Variants in STXBP5L observed in about 807,000 individuals in gnomAD.
STXBP5L encodes the protein syntaxin binding protein 5L, also known as syntaxin-binding protein 5-like.
STXBP5L carries 65 observed loss-of-function variants against 144.5 expected under a neutral mutation model. That is an observed-to-expected ratio of 0.45 (90% CI 0.37 to 0.55). The LOEUF is 0.55. Ranked by LOEUF, STXBP5L falls within the 20% of genes least tolerant of loss-of-function variation. The pLI, the probability that STXBP5L is intolerant of heterozygous loss-of-function variation, is 0.00. For missense variants in STXBP5L, 1,298 were observed against 1,405.5 expected (o/e 0.92, Z 1.22); for synonymous variants, 505 against 469.6 (o/e 1.08, Z -0.97).
At chr3:121,307,222 A>G (rs2043367349) in intron 19 of STXBP5L, among the ~76,000 whole-genome samples, 1 of 152,214 alleles carries the variant, frequency 6.6e-6, no homozygotes, top group Non-Finnish European at 1.5e-5. Context: ...GTGATACAAT[A>G]TATTACCTAA....
At chr3:121,299,743 T>TTGGGAAGCTGAGGCAGGTGG (rs1386913891) in intron 19 of STXBP5L, among the ~76,000 whole-genome samples, 1 of 151,796 alleles carries the variant, frequency 6.6e-6, no homozygotes, top group Non-Finnish European at 1.5e-5. Flanking sequence ...TCCCAGCACT[T>TTGGGAAGCTGAGGCAGGTGG]TGGGAAGCTG....
chr3:121,149,331 C>T (rs2045845051), intron 7 of STXBP5L, among the ~76,000 whole-genome samples: 1 of 151,934 alleles, frequency 6.6e-6, no homozygotes, highest in Non-Finnish European at 1.5e-5. Flanking sequence ...AAATCTCTCT[C>T]TCTCTCTTTC....
intron 5 of STXBP5L, among the ~76,000 whole-genome samples, chr3:121,102,165 C>T (rs2043460517): frequency 6.7e-6 from 1 of 149,834 alleles, no homozygotes; most frequent in South Asian, 2.1e-4. Context: ...CAATGCTATA[C>T]TTATCAAACT....
chr3:121,040,035 A>G (rs927702536), intron 3 of STXBP5L, among the ~76,000 whole-genome samples: 3 of 146,450 alleles, frequency 2.0e-5, no homozygotes, highest in African/African-American at 7.6e-5. Flanking sequence ...TCTTCAACAT[A>G]TGCAGTGTAG....
At chr3:120,993,385 T>C (rs1943080444) in intron 3 of STXBP5L, among the ~76,000 whole-genome samples, 1 of 152,038 alleles carries the variant, frequency 6.6e-6, no homozygotes, top group Non-Finnish European at 1.5e-5. Context: ...AATCATTTCT[T>C]ATACCATGTA....
At chr3:121,006,646 C>G (rs974202157) in intron 3 of STXBP5L, among the ~76,000 whole-genome samples, 9 of 152,108 alleles carry the variant, frequency 5.9e-5, no homozygotes, top group Non-Finnish European at 4.4e-5. Flanking sequence ...TTCCTAGTAT[C>G]AATGGTCTTT....
At chr3:120,959,253 G>A (rs865845995) in intron 3 of STXBP5L, among the ~76,000 whole-genome samples, 3 of 152,130 alleles carry the variant, frequency 2.0e-5, no homozygotes, top group African/African-American at 7.2e-5. Context: ...ACTTAAAGAG[G>A]ATACAAACAA....
At chr3:121,233,534 A>C in intron 11 of STXBP5L, 82 bp from the exon 12 acceptor site, 1 of 940,672 alleles carries the variant, frequency 1.1e-6, no homozygotes, top group South Asian at 2.0e-5. Flanking sequence ...TAATATTTGT[A>C]TAGGGATAAA....
rs112091399 is a variant in STXBP5L, at chr3:121,018,568, T to C, written c.288-23132T>C. Among the ~76,000 whole-genome samples the C allele has an allele frequency of 2.5e-3, 371 of 150,810 alleles. 2 individuals carry two copies. Among genetic ancestry groups the C allele is most frequent in the African/African-American group, 8.4e-3 (348 of 41,230 alleles). ...AAATGCAGACACAGTCCTTACATCT[T>C]TCACAAAAATCAACCCAAAATGGAT... On this transcript the variant is annotated intron_variant, in intron 3 of 26. Transcript: ENST00000471454.
chr3:121,040,816 T>A (rs1315058434), intron 3 of STXBP5L, among the ~76,000 whole-genome samples: 2 of 152,126 alleles, frequency 1.3e-5, no homozygotes, highest in Non-Finnish European at 2.9e-5. Flanking sequence ...CTTTCAGGGA[T>A]CATTGTCATT....
At chr3:120,926,998 C>T (rs576704103) in intron 2 of STXBP5L, among the ~76,000 whole-genome samples, 5 of 150,124 alleles carry the variant, frequency 3.3e-5, no homozygotes, top group East Asian at 2.0e-4. Flanking sequence ...TGCAGTAGCA[C>T]GATCTTGGCT....
At chr3:120,962,192 G>A (rs1331931534) in intron 3 of STXBP5L, among the ~76,000 whole-genome samples, 1 of 152,104 alleles carries the variant, frequency 6.6e-6, no homozygotes, top group Non-Finnish European at 1.5e-5. Flanking sequence ...TGTCAGATAG[G>A]TAGATTGCAA....
chr3:120,967,081 CAGTG>C (rs1939670033), intron 3 of STXBP5L, among the ~76,000 whole-genome samples: 1 of 152,064 alleles, frequency 6.6e-6, no homozygotes, highest in Admixed American at 6.6e-5. Flanking sequence ...GAGCAAGGCT[CAGTG>C]GGTGTGGGAC....
chr3:121,009,022 G>A (rs1042757097), intron 3 of STXBP5L, among the ~76,000 whole-genome samples: 4 of 151,780 alleles, frequency 2.6e-5, no homozygotes, highest in African/African-American at 9.7e-5. Flanking sequence ...GGTTGGATAT[G>A]CAGTAGAGAC....
At chr3:121,084,362 C>T (rs950030225) in intron 5 of STXBP5L, among the ~76,000 whole-genome samples, 6 of 152,118 alleles carry the variant, frequency 3.9e-5, no homozygotes, top group South Asian at 2.1e-4. Context: ...TCTCCCTCCC[C>T]GCCTACCCTC....
intron 3 of STXBP5L, among the ~76,000 whole-genome samples, chr3:120,966,844 G>T (rs2107772539): frequency 6.6e-6 from 1 of 152,266 alleles, no homozygotes. Context: ...CTATCAGACA[G>T]GGGCGTTTAA....
chr3:121,321,663 A>C (rs2043975040), intron 20 of STXBP5L, among the ~76,000 whole-genome samples: 1 of 152,160 alleles, frequency 6.6e-6, no homozygotes, highest in Non-Finnish European at 1.5e-5. Flanking sequence ...CCTATGAAAC[A>C]TTTTAAAAAT....
intron 5 of STXBP5L, among the ~76,000 whole-genome samples, chr3:121,060,362 G>A (rs192480369): frequency 3.9e-5 from 6 of 152,246 alleles, no homozygotes; most frequent in Admixed American, 3.9e-4. Context: ...TGTGCTGCTG[G>A]ACTTGGTTTG....
chr3:121,072,883 G>C (rs2041865090), intron 5 of STXBP5L, among the ~76,000 whole-genome samples: 3 of 151,898 alleles, frequency 2.0e-5, no homozygotes, highest in Non-Finnish European at 4.4e-5. Flanking sequence ...CTTATATTTG[G>C]CTCTGTGGGC....
Sources: allele counts gnomAD v4.1 joint callset (sites outside exome capture counted in the v4.1 genomes callset), GRCh38; gene constraint gnomAD v4.1.1; transcripts MANE v1.5; gene names NCBI Gene and HGNC (gene_info 2026-07-23, HGNC 2026-07-21).